Variants in PTPRN2 observed in about 807,000 individuals in gnomAD.
The protein encoded by PTPRN2 is protein tyrosine phosphatase receptor type N2.
PTPRN2 carries 74 observed loss-of-function variants against 118.8 expected under a neutral mutation model. The observed-to-expected ratio is 0.62, with a 90% CI of 0.52 to 0.76. PTPRN2 has a LOEUF of 0.76. PTPRN2 is among the 30% of genes least tolerant of loss of function. The pLI, the probability that PTPRN2 is intolerant of heterozygous loss-of-function variation, is 0.00. For synonymous variants in PTPRN2, 641 were observed against 608.0 expected, an observed-to-expected ratio of 1.05 and a Z score of -0.80; for missense variants, 1,481 against 1,394.4, an observed-to-expected ratio of 1.06 and a Z score of -0.99.
At chr7:157,791,997 G>T (rs1398290568) in intron 12 of PTPRN2, among the ~76,000 whole-genome samples, 2 of 152,254 alleles carry the variant, frequency 1.3e-5, no homozygotes, top group East Asian at 3.9e-4. Flanking sequence ...AAACCAGCCT[G>T]TCATGGAGGA....
intron 3 of PTPRN2, among the ~76,000 whole-genome samples, chr7:158,260,765 C>A (rs578176988): frequency 6.6e-6 from 1 of 152,260 alleles, no homozygotes; most frequent in African/African-American, 2.4e-5. Flanking sequence ...CTCGCTGCCA[C>A]GCCTACACAA....
chr7:157,991,013 G>GT (rs1804215228), intron 11 of PTPRN2, among the ~76,000 whole-genome samples: 1 of 152,210 alleles, frequency 6.6e-6, no homozygotes, highest in Non-Finnish European at 1.5e-5. Flanking sequence ...GGTGTGCGGG[G>GT]TGTGGACATG....
chr7:158,185,424 G>C (rs888299441), intron 5 of PTPRN2, among the ~76,000 whole-genome samples: 4 of 152,098 alleles, frequency 2.6e-5, no homozygotes, highest in Non-Finnish European at 5.9e-5. Context: ...TTATCTATTT[G>C]TTTAATCAGT....
At chr7:158,371,408 A>G (rs1410789344) in intron 2 of PTPRN2, among the ~76,000 whole-genome samples, 1 of 152,232 alleles carries the variant, frequency 6.6e-6, no homozygotes, top group African/African-American at 2.4e-5. Flanking sequence ...AGAATAAAAT[A>G]TATCCTTATG....
intron 15 of PTPRN2, among the ~76,000 whole-genome samples, chr7:157,604,540 AAC>A (rs1409575714): frequency 6.6e-6 from 1 of 152,250 alleles, no homozygotes; most frequent in African/African-American, 2.4e-5. Context: ...CACACTTGGC[AAC>A]ACACAGCAGG....
At chr7:158,200,044 C>A (rs1370706695) in intron 4 of PTPRN2, among the ~76,000 whole-genome samples, 1 of 152,080 alleles carries the variant, frequency 6.6e-6, no homozygotes, top group Non-Finnish European at 1.5e-5. Flanking sequence ...CCACAATCCA[C>A]GTATGAGAAG....
intron 11 of PTPRN2, among the ~76,000 whole-genome samples, chr7:158,025,732 A>G (rs1807213383): frequency 6.6e-6 from 1 of 152,254 alleles, no homozygotes; most frequent in Admixed American, 6.5e-5. Context: ...AACACTTATA[A>G]AAAGGATTCG....
chr7:158,077,648 C>A (rs1812480276), intron 11 of PTPRN2, among the ~76,000 whole-genome samples: 1 of 151,990 alleles, frequency 6.6e-6, no homozygotes, highest in African/African-American at 2.4e-5. Flanking sequence ...CTGAACTCGG[C>A]CTGAAGGAAA....
intron 20 of PTPRN2, 23 bp from the exon 21 acceptor site, chr7:157,568,989 G>C: frequency 6.5e-7 from 1 of 1,539,092 alleles, no homozygotes; most frequent in Non-Finnish European, 9.0e-7. Context: ...GGAGAGAAAT[G>C]AAAGTGCTGC....
intron 10 of PTPRN2, among the ~76,000 whole-genome samples, chr7:158,103,121 C>A (rs764731221): frequency 1.3e-5 from 2 of 152,166 alleles, no homozygotes; most frequent in Non-Finnish European, 2.9e-5. Context: ...AAAGGGCCTG[C>A]GGTCATTGGC....
chr7:157,946,012 C>T (rs190586379), intron 11 of PTPRN2, among the ~76,000 whole-genome samples: 26 of 152,286 alleles, frequency 1.7e-4, no homozygotes, highest in African/African-American at 6.3e-4. Flanking sequence ...TCAGTTCCGA[C>T]AGTGTGAGCC....
At chr7:158,390,322 T>C (rs1036360829) in intron 2 of PTPRN2, among the ~76,000 whole-genome samples, 11 of 152,246 alleles carry the variant, frequency 7.2e-5, no homozygotes, top group Non-Finnish European at 2.9e-5. Flanking sequence ...ACTAAGAAGT[T>C]ATTCCCATGC....
At chr7:157,951,298 A>G (rs1276289289) in intron 11 of PTPRN2, among the ~76,000 whole-genome samples, 1 of 152,204 alleles carries the variant, frequency 6.6e-6, no homozygotes, top group Non-Finnish European at 1.5e-5. Flanking sequence ...CCTTGCAAAG[A>G]TTATTTGGTT....
chr7:158,032,382 C>T (rs920247151), intron 11 of PTPRN2, among the ~76,000 whole-genome samples: 2 of 152,076 alleles, frequency 1.3e-5, no homozygotes, highest in Non-Finnish European at 2.9e-5. Flanking sequence ...AGCAGAGGTG[C>T]TGCATTTGGG....
At chr7:158,447,754 C>T (rs115791673) in intron 2 of PTPRN2, among the ~76,000 whole-genome samples, 1,542 of 152,346 alleles carry the variant, frequency 0.01, 19 homozygotes, top group African/African-American at 0.035. Context: ...AAGGCTGCCC[C>T]GTAGCCAGGG....
At chr7:158,550,008 G>C (rs529601396) in intron 1 of PTPRN2, among the ~76,000 whole-genome samples, 1 of 152,328 alleles carries the variant, frequency 6.6e-6, no homozygotes, top group East Asian at 1.9e-4. Context: ...TCCTCCCCTG[G>C]AACTCGGGGC....
intron 11 of PTPRN2, chr7:158,030,788 G>A (rs990343649): frequency 1.3e-5 from 2 of 152,382 alleles, no homozygotes; most frequent in East Asian, 3.9e-4. Flanking sequence ...GGGGGGTGCA[G>A]GGCCTGGAGA....
chr7:158,531,046 G>T, intron 1 of PTPRN2, among the ~76,000 whole-genome samples: 1 of 152,256 alleles, frequency 6.6e-6, no homozygotes, highest in East Asian at 1.9e-4. Context: ...ACATGTGCAT[G>T]GGCGTGGGTG....
rs1210424232 is a variant in PTPRN2 at position 157,656,608 on chromosome 7, G to A, written c.2002-57C>T. On this transcript the variant is annotated intron_variant, in intron 13 of 22. Coordinates refer to ENST00000389418, the MANE Select transcript of PTPRN2 (RefSeq NM_002847.5). ...TAGTGGCATTGGGGACACCCAGCAG[G>A]ACGAGGGCCACGGCACCCACGTGGC... The A allele has an allele frequency of 1.3e-5, 19 of 1,427,724 alleles. No homozygotes were observed. In the South Asian group the frequency reaches 1.9e-4, roughly 14 times the overall value. The allele number at this position is 1,427,724 out of a possible 1,614,324, so 88.4% of individuals were successfully genotyped here. A position where few individuals can be genotyped will look rare whatever the true frequency, so the allele number is the denominator to read the frequency against.
Sources: allele counts gnomAD v4.1 joint callset (sites outside exome capture counted in the v4.1 genomes callset), GRCh38; gene constraint gnomAD v4.1.1; transcripts MANE v1.5; gene names NCBI Gene and HGNC (gene_info 2026-07-23, HGNC 2026-07-21).